Variants in ATAD5 observed in about 807,000 individuals in gnomAD.
ATAD5 encodes the protein ATPase family AAA domain-containing protein 5.
ATAD5 carries 58 observed loss-of-function variants against 176.9 expected under a neutral mutation model. The ratio of observed to expected loss-of-function variants is 0.33; its 90% CI spans 0.27 to 0.41. The LOEUF is 0.41. Ranked by LOEUF, ATAD5 falls within the 10% of genes least tolerant of loss-of-function variation. The probability of loss-of-function intolerance (pLI) is 1.00; values close to 1 mark genes in which losing one functional copy is unlikely to be tolerated. For synonymous variants in ATAD5, 640 were observed against 712.6 expected, an observed-to-expected ratio of 0.90 and a Z score of 1.62; for missense variants, 1,789 against 2,094.1, an observed-to-expected ratio of 0.85 and a Z score of 2.84.
Position 30,836,023 on chromosome 17 carries a change from C to T in ATAD5, c.1942C>T (p.Pro648Ser). The change falls in exon 2 of 23, where the codon CCC becomes TCC. Residue 648 changes from proline (P) to serine (S), a missense_variant. Pro to Ser is a moderately conservative substitution (Grantham distance 74). Around this residue, in one of 6 missense-constraint regions of ATAD5, gnomAD observed 487 missense variants for 573.6 expected, o/e 0.85. Coordinates refer to ENST00000321990, the MANE Select transcript of ATAD5 (RefSeq NM_024857.5). ...ATATACAGCAGAATTAATAACAGTACCCTTTGATTCAGAGAGCCCTATTAG... is the reference window on the plus strand; with the variant it reads ...ATATACAGCAGAATTAATAACAGTATCCTTTGATTCAGAGAGCCCTATTAG... ...SLYTAELITV[P>S]FDSESPIRMK... 1 of 1,603,368 alleles carries T rather than the reference C, an allele frequency of 6.2e-7. No homozygotes were observed. The highest frequency in any genetic ancestry group is 8.5e-7 in the Non-Finnish European group (1 of 1,176,444).
intron 5 of ATAD5, 55 bp from the exon 6 acceptor site, chr17:30,844,780 G>T (rs372966240): frequency 2.7e-5 from 23 of 857,162 alleles, no homozygotes; most frequent in Non-Finnish European, 3.7e-5. Context: ...AAAGAAAGTA[G>T]CTGAAGGTGG....
At chr17:30,860,019 T>G (rs1907528954) in intron 9 of ATAD5, among the ~76,000 whole-genome samples, 1 of 150,552 alleles carries the variant, frequency 6.6e-6, no homozygotes, top group Non-Finnish European at 1.5e-5. Flanking sequence ...CCACCGCGCC[T>G]GGCCTATTTA....
At chr17:30,843,470 C>T (rs939222268) in intron 4 of ATAD5, among the ~76,000 whole-genome samples, 2 of 151,732 alleles carry the variant, frequency 1.3e-5, no homozygotes, top group African/African-American at 4.8e-5. Flanking sequence ...GCCAACATGG[C>T]GAAACCCCAT....
At chr17:30,841,410 C>G (rs773105447) in intron 4 of ATAD5, among the ~76,000 whole-genome samples, 1 of 152,150 alleles carries the variant, frequency 6.6e-6, no homozygotes, top group Non-Finnish European at 1.5e-5. Flanking sequence ...CAAGTACTCT[C>G]TTCTATGTGA....
rs148240297 is a variant in ATAD5, at chr17:30,855,302, C to T, written c.2610C>T (p.Val870=). The change falls in exon 7 of 23, where the codon GTC becomes GTT. Residue 870 remains valine, a synonymous_variant. Transcript: ENST00000321990. The stretch of plus-strand genomic sequence containing the variant: ...CAGTGAGTACCAGTTTCCAGAGAGT[C>T]GTACATGTGCAACAAAAGGATGATG... ...YNAVSTSFQR[V]VHVQQKDDGC... 5.7e-5 allele frequency: 90 copies of T among 1,592,508 alleles called. No individual in the cohort carries two copies. The Admixed American group carries it at 7.4e-4, about 13-fold the overall frequency.
At chr17:30,879,811 C>T (rs936070288) in intron 18 of ATAD5, among the ~76,000 whole-genome samples, 3 of 152,014 alleles carry the variant, frequency 2.0e-5, no homozygotes, top group African/African-American at 7.2e-5. Context: ...ATCTGCCCGC[C>T]TCGGCCTCCC....
chr17:30,893,725 A>C lies in ATAD5; in HGVS notation c.4872A>C (p.Lys1624Asn). ...AAGGAAACAATCCAGAGACAAAGAA[A>C]TCTATTCCTTGTCCTCCTAAAACAA... ...RDKGNNPETK[K>N]SIPCPPKTTA... The change falls in exon 21 of 23, where the codon AAA (lysine) becomes AAC (asparagine). Residue 1624 changes from lysine (K) to asparagine (N), a missense_variant. By Grantham distance (94) the Lys-to-Asn change is moderately conservative. This residue lies in a region of ATAD5 where 403 missense variants were observed against 495.1 expected (regional missense o/e 0.81). Transcript: ENST00000321990. 1.2e-6 allele frequency: 2 copies of C among 1,613,940 alleles called. No homozygotes were observed. Among genetic ancestry groups the C allele is most frequent in the South Asian group, 1.1e-5 (1 of 91,066 alleles).
intron 19 of ATAD5, among the ~76,000 whole-genome samples, chr17:30,887,809 C>T (rs1177139939): frequency 6.6e-6 from 1 of 151,994 alleles, no homozygotes; most frequent in Admixed American, 6.6e-5. Context: ...GAGCAATACC[C>T]TATCTCTAAA....
chr17:30,861,092 C>T lies in ATAD5; in HGVS notation c.3136+480C>T, dbSNP rs139780564. On this transcript the variant is annotated intron_variant, in intron 10 of 22. Transcript: ENST00000321990. ...TGCTGGGATTACAGGTGTGAGCCAC[C>T]GTGCCTGGCCACGCCCAGGTAATTT... Among the ~76,000 whole-genome samples, 957 of 151,810 alleles carry T rather than the reference C, an allele frequency of 6.3e-3. 11 individuals carry two copies. The highest frequency in any genetic ancestry group is 0.022 in the African/African-American group (912 of 41,410).
intron 20 of ATAD5, 135 bp downstream of exon 20, chr17:30,892,923 T>C (rs1309138093): frequency 1.4e-6 from 1 of 731,136 alleles, no homozygotes; most frequent in African/African-American, 1.8e-5. Context: ...TCTCTGATTT[T>C]AACACATCCT....
intron 4 of ATAD5, among the ~76,000 whole-genome samples, chr17:30,843,210 G>C (rs1411157637): frequency 6.6e-6 from 1 of 151,908 alleles, no homozygotes; most frequent in African/African-American, 2.4e-5. Context: ...AAATTAGCCA[G>C]GTGTGGTGGT....
rs112309791 is a variant in ATAD5 at position 30,842,095 on chromosome 17, C to G, written c.2241+1314C>G. 6.4e-3 allele frequency among the ~76,000 whole-genome samples: 979 copies of G among 152,064 alleles called. 11 individuals carry two copies. The highest frequency in any genetic ancestry group is 0.022 in the African/African-American group (916 of 41,488). ...ACCAGTCTGACCAACATGGTGAAAC[C>G]CCGTCTTTACTAAAAATACAAACAT... On this transcript the variant is annotated intron_variant, in intron 4 of 22. Transcript: ENST00000321990.
intron 6 of ATAD5, among the ~76,000 whole-genome samples, chr17:30,853,399 C>T (rs922497521): frequency 4.0e-5 from 6 of 151,846 alleles, no homozygotes; most frequent in African/African-American, 1.5e-4. Flanking sequence ...CACCTACCTT[C>T]TGCTATAGAG....
chr17:30,858,076 A>T, intron 8 of ATAD5, 85 bp from the exon 9 acceptor site: 1 of 1,215,836 alleles, frequency 8.2e-7, no homozygotes, highest in Non-Finnish European at 1.1e-6. Flanking sequence ...CTGATTTATG[A>T]TGGACAGAAA....
At chr17:30,833,186 G>T (rs1175391960) in intron 1 of ATAD5, among the ~76,000 whole-genome samples, 2 of 148,936 alleles carry the variant, frequency 1.3e-5, no homozygotes, top group South Asian at 2.2e-4. Flanking sequence ...TTTTGTTTTT[G>T]TTTTTTTTTG....
intron 9 of ATAD5, 97 bp downstream of exon 9, chr17:30,858,420 T>A: frequency 2.1e-6 from 2 of 942,478 alleles, no homozygotes; most frequent in Non-Finnish European, 2.8e-6. Flanking sequence ...AGTTTTGCTC[T>A]TGTCGCCCTG....
chr17:30,842,058 C>T (rs1026197918), intron 4 of ATAD5, among the ~76,000 whole-genome samples: 3 of 152,100 alleles, frequency 2.0e-5, no homozygotes, highest in African/African-American at 7.2e-5. Flanking sequence ...ATCACGAGGT[C>T]AGGAGTTTGA....
chr17:30,837,089 T>A, intron 2 of ATAD5, 117 bp from the exon 3 acceptor site: 1 of 588,490 alleles, frequency 1.7e-6, no homozygotes, highest in Non-Finnish European at 2.9e-6. Flanking sequence ...GGGTCCTGAG[T>A]AGCTGGGATT....
At chr17:30,891,394 C>T (rs531880153) in intron 19 of ATAD5, among the ~76,000 whole-genome samples, 11 of 152,166 alleles carry the variant, frequency 7.2e-5, no homozygotes, top group African/African-American at 2.4e-4. Context: ...TTATTTGAGA[C>T]GGAGCCTCAC....
Sources: allele counts gnomAD v4.1 joint callset (sites outside exome capture counted in the v4.1 genomes callset), GRCh38; gene constraint gnomAD v4.1.1; regional missense constraint gnomAD v4.1.1; transcripts MANE v1.5; gene names NCBI Gene and HGNC (gene_info 2026-07-23, HGNC 2026-07-21).